RTL4: variants seen among roughly 807,000 people sequenced by gnomAD.
The protein encoded by RTL4 is retrotransposon Gag like 4.
A neutral mutation model predicts 5.3 loss-of-function variants in RTL4; 4 were observed. The observed-to-expected ratio is 0.75, with a 90% CI of 0.37 to 1.72. The LOEUF (loss-of-function observed/expected upper bound fraction) is 1.72, where lower values mean the gene tolerates loss of function less well. Among genes scored for constraint, RTL4 ranks in the 40% most tolerant of loss-of-function variants. The pLI, the probability that RTL4 is intolerant of heterozygous loss-of-function variation, is 0.04. For missense variants in RTL4, 260 were observed against 227.1 expected (o/e 1.14, Z -0.93); for synonymous variants, 98 against 87.3 (o/e 1.12, Z -0.68).
the RTL4 span, among the ~76,000 whole-genome samples, chrX:112,239,951 A>T: frequency 8.9e-6 from 1 of 112,186 alleles, no homozygotes; most frequent in Non-Finnish European, 1.9e-5. Flanking sequence ...CAGGAAAATT[A>T]TAACTTCAAT....
At chrX:112,440,758 A>G in the RTL4 span, among the ~76,000 whole-genome samples, 1 of 112,011 alleles carries the variant, frequency 8.9e-6, no homozygotes, top group African/African-American at 3.2e-5. Flanking sequence ...TAGGTAGACT[A>G]GATGATTTAG....
chrX:112,154,347 G>A, the RTL4 span, among the ~76,000 whole-genome samples: 3 of 111,520 alleles, frequency 2.7e-5, no homozygotes, highest in Non-Finnish European at 3.8e-5. Flanking sequence ...CTTCCTCAGG[G>A]ACAATTTCTA....
chrX:112,193,568 A>T, the RTL4 span, among the ~76,000 whole-genome samples: 1 of 111,263 alleles, frequency 9.0e-6, no homozygotes, highest in Non-Finnish European at 1.9e-5. Context: ...TCCTTCTTGG[A>T]CTTGGTTCTG....
the RTL4 span, among the ~76,000 whole-genome samples, chrX:112,189,932 T>G: frequency 9.0e-6 from 1 of 111,152 alleles, no homozygotes; most frequent in African/African-American, 3.3e-5. Context: ...AGAAATTCAG[T>G]TATCTCAAAA....
At chrX:112,175,539 C>A in the RTL4 span, among the ~76,000 whole-genome samples, 2 of 108,677 alleles carry the variant, frequency 1.8e-5, no homozygotes, top group African/African-American at 6.7e-5. Context: ...GTTCTTTTGG[C>A]TTAGGATTGA....
the RTL4 span, among the ~76,000 whole-genome samples, chrX:112,254,354 G>A: frequency 9.2e-6 from 1 of 108,425 alleles, no homozygotes; most frequent in Non-Finnish European, 1.9e-5. Flanking sequence ...TTTTTGAGAC[G>A]GAGTCTGGCT....
chrX:112,157,626 A>G, the RTL4 span, among the ~76,000 whole-genome samples: 1 of 111,864 alleles, frequency 8.9e-6, no homozygotes, highest in African/African-American at 3.3e-5. Context: ...TCTCATACAT[A>G]TCCTAGTGAG....
chrX:112,415,402 C>T, the RTL4 span, among the ~76,000 whole-genome samples: 1 of 110,953 alleles, frequency 9.0e-6, no homozygotes. Flanking sequence ...TTTTTAATAG[C>T]TATGTAGTAT....
chrX:112,367,219 G>A, the RTL4 span, among the ~76,000 whole-genome samples: 4 of 111,419 alleles, frequency 3.6e-5, no homozygotes, highest in Admixed American at 1.9e-4. Context: ...AAAATAGAAA[G>A]AGAACAGAGC....
chrX:112,370,602 G>T, the RTL4 span, among the ~76,000 whole-genome samples: 6 of 111,353 alleles, frequency 5.4e-5, no homozygotes, highest in African/African-American at 2.0e-4. Flanking sequence ...GCAAGGAAGG[G>T]GGAGGCACCA....
the RTL4 span, among the ~76,000 whole-genome samples, chrX:112,086,324 G>T: frequency 8.9e-6 from 1 of 112,578 alleles, no homozygotes; most frequent in South Asian, 3.6e-4. Flanking sequence ...TTTGAAAGCA[G>T]GTTTTTGTTT....
At chrX:112,434,290 A>T in the RTL4 span, among the ~76,000 whole-genome samples, 586 of 109,312 alleles carry the variant, frequency 5.4e-3, 3 homozygotes, top group African/African-American at 0.019. Context: ...ATTGATTGGA[A>T]TAGTTTCAGA....
At chrX:112,271,062 A>C in the RTL4 span, among the ~76,000 whole-genome samples, 4 of 105,070 alleles carry the variant, frequency 3.8e-5, no homozygotes, top group African/African-American at 1.5e-4. Flanking sequence ...AAAAAAAAAA[A>C]AAAAAAAAAC....
At chrX:112,230,173 C>T in the RTL4 span, among the ~76,000 whole-genome samples, 1 of 112,707 alleles carries the variant, frequency 8.9e-6, no homozygotes, top group East Asian at 2.8e-4. Context: ...GTGGTGGGCT[C>T]CACCCAGTTC....
At chrX:112,122,632 G>A in the RTL4 span, among the ~76,000 whole-genome samples, 3 of 110,719 alleles carry the variant, frequency 2.7e-5, no homozygotes, top group Non-Finnish European at 5.7e-5. Context: ...AAATGGTTGA[G>A]GTGAATAAAT....
At chrX:112,162,029 C>A in the RTL4 span, among the ~76,000 whole-genome samples, 1 of 109,948 alleles carries the variant, frequency 9.1e-6, no homozygotes, top group African/African-American at 3.3e-5. Context: ...CTTCAACAGG[C>A]TGGATTTTTT....
chrX:112,215,849 A>G, the RTL4 span, among the ~76,000 whole-genome samples: 1 of 111,585 alleles, frequency 9.0e-6, no homozygotes, highest in Non-Finnish European at 1.9e-5. Flanking sequence ...TTCTAAGCTT[A>G]GTTTTTTTAA....
chrX:112,402,308 C>A, the RTL4 span, among the ~76,000 whole-genome samples: 1 of 110,527 alleles, frequency 9.0e-6, no homozygotes, highest in Non-Finnish European at 1.9e-5. Flanking sequence ...CTCTCAGTAT[C>A]TTGCAAGCAC....
chrX:112,113,814 A>T, the RTL4 span, among the ~76,000 whole-genome samples: 906 of 111,811 alleles, frequency 8.1e-3, 5 homozygotes, highest in African/African-American at 0.028. Flanking sequence ...ACACCAGTTG[A>T]TTGGCCTGCT....
Sources: gnomAD v4.1 joint callset for allele counts (sites outside exome capture counted in the v4.1 genomes callset) on GRCh38, gnomAD v4.1.1 for gene constraint, MANE v1.5 for transcripts, NCBI Gene and HGNC (gene_info 2026-07-23, HGNC 2026-07-21) for gene names.